Variants in SFMBT2 observed in about 807,000 individuals in gnomAD.
SFMBT2 encodes the protein Scm like with four mbt domains 2, also known as scm-like with four MBT domains protein 2.
A neutral mutation model predicts 110.1 loss-of-function variants in SFMBT2; 38 were observed. The ratio of observed to expected loss-of-function variants is 0.35; its 90% confidence interval spans 0.27 to 0.45. The LOEUF (loss-of-function observed/expected upper bound fraction) is 0.45, where lower values mean the gene tolerates loss of function less well. Ranked by LOEUF, SFMBT2 falls within the 20% of genes least tolerant of loss-of-function variation. The probability of loss-of-function intolerance (pLI) is 1.00; values close to 1 mark genes in which losing one functional copy is unlikely to be tolerated. For missense variants in SFMBT2, 1,011 were observed against 1,094.9 expected (o/e 0.92, Z 1.08); for synonymous variants, 425 against 425.4 (o/e 1.00, Z 0.01).
At chr10:7,323,517 G>A (rs1843269303) in intron 4 of SFMBT2, among the ~76,000 whole-genome samples, 1 of 149,202 alleles carries the variant, frequency 6.7e-6, no homozygotes, top group Admixed American at 6.7e-5. Context: ...CAGGACAGCA[G>A]TTGCCATAGA....
At chr10:7,409,869 G>A (rs985857666) in intron 1 of SFMBT2, among the ~76,000 whole-genome samples, 2 of 151,792 alleles carry the variant, frequency 1.3e-5, no homozygotes, top group Admixed American at 1.3e-4. Context: ...GCGCTTCCAA[G>A]AAAACACGAG....
chr10:7,394,857 T>C (rs1268824112), intron 1 of SFMBT2, among the ~76,000 whole-genome samples: 2 of 152,032 alleles, frequency 1.3e-5, no homozygotes, highest in Non-Finnish European at 1.5e-5. Context: ...TCACCTCCCC[T>C]CCCTCTGTTA....
At chr10:7,240,312 T>A (rs1840390275) in intron 9 of SFMBT2, among the ~76,000 whole-genome samples, 1 of 152,212 alleles carries the variant, frequency 6.6e-6, no homozygotes, top group Admixed American at 6.5e-5. Flanking sequence ...CAGTGTATCT[T>A]GGACAGCCTT....
chr10:7,307,778 T>A (rs1018915373), intron 4 of SFMBT2, among the ~76,000 whole-genome samples: 1 of 152,204 alleles, frequency 6.6e-6, no homozygotes, highest in Admixed American at 6.5e-5. Flanking sequence ...AGGAAAAGAT[T>A]TCTTACTGGA....
At chr10:7,179,596 G>A (rs1265180671) in intron 16 of SFMBT2, among the ~76,000 whole-genome samples, 1 of 152,076 alleles carries the variant, frequency 6.6e-6, no homozygotes, top group African/African-American at 2.4e-5. Flanking sequence ...GAGATTCTTA[G>A]AGTCCCTAGA....
At chr10:7,309,214 G>A (rs1842780671) in intron 4 of SFMBT2, among the ~76,000 whole-genome samples, 1 of 152,260 alleles carries the variant, frequency 6.6e-6, no homozygotes, top group African/African-American at 2.4e-5. Context: ...ATTCCTGCAA[G>A]GAAGGGGGAC....
chr10:7,376,044 G>T (rs1368258641), intron 2 of SFMBT2, among the ~76,000 whole-genome samples: 1 of 152,170 alleles, frequency 6.6e-6, no homozygotes, highest in Non-Finnish European at 1.5e-5. Context: ...GGCTCACCCT[G>T]TCTAAATGTG....
intron 1 of SFMBT2, among the ~76,000 whole-genome samples, chr10:7,395,032 C>T (rs368541687): frequency 1.3e-5 from 2 of 152,170 alleles, no homozygotes; most frequent in African/African-American, 2.4e-5. Flanking sequence ...GAGAATGCTA[C>T]GTTGGGCCGG....
chr10:7,368,024 A>G (rs2132052596), intron 3 of SFMBT2, 135 bp from the exon 4 acceptor site: 1 of 1,284,554 alleles, frequency 7.8e-7, no homozygotes, highest in African/African-American at 1.5e-5. Context: ...GTATTTATCT[A>G]AGTAATACAC....
chr10:7,390,864 C>A (rs368098909), intron 1 of SFMBT2, among the ~76,000 whole-genome samples: 25 of 152,330 alleles, frequency 1.6e-4, no homozygotes, highest in African/African-American at 3.8e-4. Context: ...CTTTGGGAAG[C>A]TGAAGCAGAA....
chr10:7,290,876 T>C (rs1020850066), intron 4 of SFMBT2, among the ~76,000 whole-genome samples: 4 of 151,880 alleles, frequency 2.6e-5, no homozygotes, highest in African/African-American at 9.7e-5. Context: ...ACAAATTGAG[T>C]CCCATATAAA....
chr10:7,267,444 T>C (rs1417255339), intron 7 of SFMBT2, among the ~76,000 whole-genome samples: 2 of 152,072 alleles, frequency 1.3e-5, no homozygotes, highest in Non-Finnish European at 2.9e-5. Context: ...TCAAGTGCAG[T>C]TGTCTTTCTG....
At chr10:7,248,931 C>A (rs1840710452) in intron 7 of SFMBT2, 1 of 171,014 alleles carries the variant, frequency 5.8e-6, no homozygotes, top group Non-Finnish European at 1.2e-5. Flanking sequence ...GTCCTTGGTG[C>A]TATTAACTGA....
chr10:7,341,509 A>C (rs1302853768), intron 4 of SFMBT2, among the ~76,000 whole-genome samples: 2 of 152,164 alleles, frequency 1.3e-5, no homozygotes, highest in African/African-American at 4.8e-5. Flanking sequence ...GTTTTTATTC[A>C]TTCAACAAAT....
At chr10:7,296,487 C>T (rs1042987780) in intron 4 of SFMBT2, among the ~76,000 whole-genome samples, 2 of 152,212 alleles carry the variant, frequency 1.3e-5, no homozygotes, top group African/African-American at 4.8e-5. Context: ...CTTGCTTCTT[C>T]CTGTAAAGTT....
chr10:7,205,012 G>A (rs775327583), intron 12 of SFMBT2: 5 of 732,762 alleles, frequency 6.8e-6, no homozygotes, highest in Non-Finnish European at 8.3e-6. Context: ...GGGACGTGTG[G>A]TAATATACTT....
chr10:7,220,660 T>C (rs1178306120), intron 10 of SFMBT2, 123 bp from the exon 11 acceptor site: 2 of 1,004,764 alleles, frequency 2.0e-6, no homozygotes, highest in South Asian at 1.5e-5. Context: ...GGCTCACGTA[T>C]GTGTTTGTCC....
intron 4 of SFMBT2, 62 bp from the exon 5 acceptor site, chr10:7,286,016 C>T (rs1842076950): frequency 3.8e-6 from 3 of 782,754 alleles, no homozygotes; most frequent in Non-Finnish European, 2.3e-6. Context: ...AACACAGCAG[C>T]AAAGTATCCA....
At chr10:7,248,432 G>A (rs1415887804) in intron 8 of SFMBT2, 116 bp downstream of exon 8, 9 of 808,818 alleles carry the variant, frequency 1.1e-5, no homozygotes, top group East Asian at 5.2e-5. Flanking sequence ...CCTTAGCTTC[G>A]CCTGGCATTG....
Sources: allele counts gnomAD v4.1 joint callset (sites outside exome capture counted in the v4.1 genomes callset), GRCh38; gene constraint gnomAD v4.1.1; transcripts MANE v1.5; gene names NCBI Gene and HGNC (gene_info 2026-07-23, HGNC 2026-07-21).